The following ATP10A variants were observed in gnomAD, a reference collection of about 807,000 sequenced individuals.
ATP10A encodes ATPase phospholipid transporting 10A (putative).
A neutral mutation model predicts 147.8 loss-of-function variants in ATP10A; 111 were observed. The ratio of observed to expected loss-of-function variants is 0.75; its 90% confidence interval spans 0.64 to 0.88. The LOEUF (loss-of-function observed/expected upper bound fraction) is 0.88. ATP10A is among the 40% of genes least tolerant of loss of function. ATP10A has a pLI of 0.00. For missense variants in ATP10A, 1,927 were observed against 1,959.0 expected (o/e 0.98, Z 0.31); for synonymous variants, 875 against 841.6 (o/e 1.04, Z -0.69).
At chr15:25,825,092 C>T (rs1596628) in intron 1 of ATP10A, among the ~76,000 whole-genome samples, 93,221 of 152,086 alleles carry the variant, frequency 0.61, 31,523 homozygotes, top group East Asian at 0.79. Context: ...TCCTTCAAAG[C>T]CCATACCAGA....
chr15:25,729,468 AC>A (rs1268818928), intron 3 of ATP10A, among the ~76,000 whole-genome samples: 1 of 152,098 alleles, frequency 6.6e-6, no homozygotes, highest in African/African-American at 2.4e-5. Flanking sequence ...CCGGCAACAC[AC>A]GCTTGCTGGC....
intron 1 of ATP10A, among the ~76,000 whole-genome samples, chr15:25,803,998 G>A (rs1391218634): frequency 6.6e-6 from 1 of 152,046 alleles, no homozygotes; most frequent in Non-Finnish European, 1.5e-5. Context: ...GTGATGTGAG[G>A]CTGTGTTTGT....
At chr15:25,776,427 T>G (rs1214472557) in intron 2 of ATP10A, among the ~76,000 whole-genome samples, 2 of 152,252 alleles carry the variant, frequency 1.3e-5, no homozygotes, top group Non-Finnish European at 1.5e-5. Context: ...TCACAAGATT[T>G]ATACTTAAAA....
At chr15:25,673,251 T>G (rs986762986), downstream of ATP10A, among the ~76,000 whole-genome samples, 3 of 152,138 alleles carry the variant, frequency 2.0e-5, no homozygotes, top group Admixed American at 1.3e-4. Context: ...GGACTCCCCC[T>G]ATGCGCTGGG....
chr15:25,803,559 C>A (rs954212661), intron 1 of ATP10A, among the ~76,000 whole-genome samples: 3 of 152,196 alleles, frequency 2.0e-5, no homozygotes, highest in Non-Finnish European at 4.4e-5. Flanking sequence ...GCAGCTTCAT[C>A]CCCAGATGCA....
intron 2 of ATP10A, among the ~76,000 whole-genome samples, chr15:25,754,819 C>T (rs1051231327): frequency 1.1e-4 from 16 of 152,136 alleles, no homozygotes; most frequent in Non-Finnish European, 1.9e-4. Flanking sequence ...TTATGTAAAA[C>T]GTTCCAGATG....
chr15:25,855,065 A>C (rs78075597), intron 1 of ATP10A, among the ~76,000 whole-genome samples: 12 of 147,574 alleles, frequency 8.1e-5, no homozygotes, highest in South Asian at 6.8e-4. Flanking sequence ...GTCTCACAAA[A>C]AAAAAAAAAA....
chr15:25,810,368 C>A (rs117345604), intron 1 of ATP10A, among the ~76,000 whole-genome samples: 2,602 of 152,284 alleles, frequency 0.017, 43 homozygotes, highest in Non-Finnish European at 0.025. Flanking sequence ...GTACCTGCAC[C>A]GCTCAGCTGT....
rs951024272 is a variant in ATP10A at position 25,760,056 on chromosome 15, T to C, written c.654+20963A>G. ...ATCTCGGCTCACTGCAACCTCCAAC[T>C]CCTGGGTTCAAGCAATTCTCCTGCC... On this transcript the variant is annotated intron_variant, in intron 2 of 20. Coordinates refer to ENST00000555815, the MANE Select transcript of ATP10A (RefSeq NM_024490.4). Among the ~76,000 whole-genome samples, 4 of 151,764 alleles carry C rather than the reference T, an allele frequency of 2.6e-5. No individual in the cohort carries two copies. The East Asian group carries it at 7.8e-4, about 30-fold the overall frequency.
At chr15:25,824,557 GTGTTT>G (rs201586589) in intron 1 of ATP10A, among the ~76,000 whole-genome samples, 9 of 139,268 alleles carry the variant, frequency 6.5e-5, no homozygotes, top group Admixed American at 2.8e-4. Context: ...CTTTTTGTGT[GTGTTT>G]TTTTTTTTTT....
Position 25,820,260 on chromosome 15 carries a change from G to A in ATP10A, c.450-39037C>T, listed in dbSNP as rs192110173. Among the ~76,000 whole-genome samples, 189 of 152,234 alleles carry A rather than the reference G, an allele frequency of 1.2e-3. 1 individual carries two copies. The highest frequency in any genetic ancestry group is 3.7e-3 in the African/African-American group (152 of 41,550). ...AATCTGGGAAAAGGGGTTTGTCCAC[G>A]GAAGGTAGGTCCATTCACCATAACA... On this transcript the variant is annotated intron_variant, in intron 1 of 20. Transcript: ENST00000555815.
At position 25,703,561 on chromosome 15, in the gene ATP10A, T is replaced by C. The variant is rs564282067; in HGVS notation, c.2576-1461A>G. Among the ~76,000 whole-genome samples, 10 of 152,292 alleles carry C rather than the reference T, an allele frequency of 6.6e-5. No homozygotes were observed. The South Asian group carries it at 1.7e-3, about 25-fold the overall frequency. ...GGCTTAAGTCCCCAGTCTGTGGTATTGTGTGACAGCAGAACAAACGAACTA... is the reference window on the plus strand; with the variant it reads ...GGCTTAAGTCCCCAGTCTGTGGTATCGTGTGACAGCAGAACAAACGAACTA... On this transcript the variant is annotated intron_variant, in intron 12 of 20. Transcript: ENST00000555815.
intron 2 of ATP10A, among the ~76,000 whole-genome samples, chr15:25,757,653 T>C (rs931800791): frequency 3.9e-5 from 6 of 152,206 alleles, no homozygotes; most frequent in African/African-American, 1.4e-4. Context: ...AATTAAAAAG[T>C]TGAAAAAGAG....
intron 2 of ATP10A, among the ~76,000 whole-genome samples, chr15:25,776,093 A>T (rs1025439612): frequency 6.6e-6 from 1 of 152,280 alleles, no homozygotes; most frequent in Non-Finnish European, 1.5e-5. Context: ...CTGCTGAATG[A>T]ATTAAAACTT....
intron 14 of ATP10A, among the ~76,000 whole-genome samples, chr15:25,694,464 C>A (rs1900202515): frequency 6.6e-6 from 1 of 152,168 alleles, no homozygotes; most frequent in Admixed American, 6.5e-5. Context: ...TCTAAGTTGG[C>A]CTGGGCTAAG....
At chr15:25,790,518 A>C (rs905986812) in intron 1 of ATP10A, among the ~76,000 whole-genome samples, 2 of 152,214 alleles carry the variant, frequency 1.3e-5, no homozygotes, top group African/African-American at 2.4e-5. Flanking sequence ...TCTTTTTAGA[A>C]TGAAGAAAGG....
At chr15:25,799,356 C>T (rs1028873228) in intron 1 of ATP10A, among the ~76,000 whole-genome samples, 1 of 152,142 alleles carries the variant, frequency 6.6e-6, no homozygotes, top group Non-Finnish European at 1.5e-5. Flanking sequence ...TGCTCCTGAG[C>T]GCTGATGTGT....
chr15:25,731,326 T>C (rs72703782), intron 3 of ATP10A, among the ~76,000 whole-genome samples: 6,287 of 152,272 alleles, frequency 0.041, 176 homozygotes, highest in Non-Finnish European at 0.06. Context: ...CAGGAAGACA[T>C]AACAATTATA....
At chr15:25,827,736 A>G (rs1238949284) in intron 1 of ATP10A, among the ~76,000 whole-genome samples, 2 of 152,252 alleles carry the variant, frequency 1.3e-5, no homozygotes. Context: ...GAACAGACAA[A>G]TAAAAATACC....
Sources: allele counts gnomAD v4.1 joint callset (sites outside exome capture counted in the v4.1 genomes callset), GRCh38; gene constraint gnomAD v4.1.1; transcripts MANE v1.5; gene names NCBI Gene and HGNC (gene_info 2026-07-23, HGNC 2026-07-21).